Variants in SLC16A2 observed in about 807,000 individuals in gnomAD.
SLC16A2 encodes monocarboxylate transporter 8.
Under a neutral mutation model 27.2 loss-of-function variants are expected in SLC16A2, and 3 were observed. That is an observed-to-expected ratio of 0.11 (90% CI 0.05 to 0.28). SLC16A2 has a LOEUF of 0.28. Among genes scored for constraint, SLC16A2 ranks in the 10% least tolerant of loss-of-function variants. SLC16A2 has a pLI of 1.00. For synonymous variants in SLC16A2, 202 were observed against 187.8 expected (o/e 1.08, Z -0.62); for missense variants, 295 against 458.5 (o/e 0.64, Z 3.26).
At chrX:74,508,597 C>A (rs752777317) in intron 1 of SLC16A2, among the ~76,000 whole-genome samples, 1 of 111,440 alleles carries the variant, frequency 9.0e-6, no homozygotes, top group Admixed American at 9.5e-5. Flanking sequence ...TTTGTAGAGT[C>A]CTTTGATTTT....
chrX:74,526,669 C>G (rs908256920), intron 4 of SLC16A2, among the ~76,000 whole-genome samples: 1 of 112,424 alleles, frequency 8.9e-6, no homozygotes, highest in South Asian at 3.7e-4. Flanking sequence ...AAGGCTCACA[C>G]AGACAGTAGT....
chrX:74,439,220 T>TTCTC lies in SLC16A2; in HGVS notation c.430+17165_430+17168dup, dbSNP rs1281395543. ...TTTCTTTCTTTCTTCCTTCCTTCCT[T>TTCTC]TCTCTCTCTCTCTCTTTCTTTCTTT... is the stretch of plus-strand genomic sequence containing the variant. On this transcript the variant is annotated intron_variant, in intron 1 of 5. Transcript: ENST00000587091. Among the ~76,000 whole-genome samples, 22 of 90,823 alleles carry TTCTC rather than the reference T, an allele frequency of 2.4e-4. No individual in the cohort carries two copies. In the East Asian group the frequency reaches 9.9e-3, roughly 41 times the overall value. 78.9% of individuals were successfully genotyped at this position (90,823 alleles called of 115,157 possible).
At chrX:74,488,095 A>T (rs1235397303) in intron 1 of SLC16A2, among the ~76,000 whole-genome samples, 1 of 111,650 alleles carries the variant, frequency 9.0e-6, no homozygotes, top group East Asian at 2.8e-4. Flanking sequence ...TACCAAAGTC[A>T]TGTGAATTAA....
At chrX:74,494,461 C>T (rs750906532) in intron 1 of SLC16A2, among the ~76,000 whole-genome samples, 7 of 111,588 alleles carry the variant, frequency 6.3e-5, no homozygotes, top group African/African-American at 1.3e-4. Flanking sequence ...GTTATAACAC[C>T]TAAAGTAATT....
chrX:74,510,493 G>T (rs1930209881), intron 1 of SLC16A2, among the ~76,000 whole-genome samples: 1 of 112,446 alleles, frequency 8.9e-6, no homozygotes, highest in Admixed American at 9.4e-5. Context: ...AGGCCATTAA[G>T]TAGAGCCCAG....
At position 74,531,639 on chromosome X, in the gene SLC16A2, C is replaced by A; in HGVS notation, c.*86C>A. 1.4e-6 allele frequency: 1 copy of A among 731,752 alleles called. No individual in the cohort carries two copies. The highest frequency in any genetic ancestry group is 2.2e-6 in the Non-Finnish European group (1 of 462,979). The allele number at this position is 731,752 out of a possible 1,213,427, so 60.3% of individuals were successfully genotyped here. A position where few individuals can be genotyped will look rare whatever the true frequency, so the allele number is the denominator to read the frequency against. On this transcript the variant is annotated 3_prime_UTR_variant, in exon 6 of 6. Coordinates refer to ENST00000587091, the MANE Select transcript of SLC16A2 (RefSeq NM_006517.5). ...CATTTACATTTTTGCCACCAGCACACTTGTTCCCAGACCTGCGCACACAGC... is the reference window on the plus strand; with the variant it reads ...CATTTACATTTTTGCCACCAGCACAATTGTTCCCAGACCTGCGCACACAGC...
intron 1 of SLC16A2, among the ~76,000 whole-genome samples, chrX:74,449,428 T>C (rs1215577991): frequency 8.9e-6 from 1 of 112,321 alleles, no homozygotes; most frequent in Non-Finnish European, 1.9e-5. Context: ...AAAACATATG[T>C]TGTTAGCCCC....
At chrX:74,475,290 G>T (rs762871935) in intron 1 of SLC16A2, among the ~76,000 whole-genome samples, 1,252 of 108,183 alleles carry the variant, frequency 0.012, 60 homozygotes, top group Admixed American at 0.11. Flanking sequence ...TTTGAGAAGT[G>T]TCTGTTCATA....
intron 1 of SLC16A2, among the ~76,000 whole-genome samples, chrX:74,497,935 C>T (rs1385368356): frequency 7.2e-5 from 8 of 110,885 alleles, no homozygotes; most frequent in East Asian, 5.7e-4. Context: ...CATGCAGAGA[C>T]GTTTAAGTGG....
At chrX:74,433,224 T>A (rs773895584) in intron 1 of SLC16A2, among the ~76,000 whole-genome samples, 1 of 110,176 alleles carries the variant, frequency 9.1e-6, no homozygotes, top group Non-Finnish European at 1.9e-5. Flanking sequence ...ATATAAAAAT[T>A]AGCTGGGCGC....
At position 74,433,182 on chromosome X, in the gene SLC16A2, G is replaced by A. The variant is rs6647482; in HGVS notation, c.430+11115G>A. Among the ~76,000 whole-genome samples, 8,673 of 110,383 alleles carry A rather than the reference G, an allele frequency of 0.079. 1,136 individuals are homozygous for A. In the East Asian group the frequency reaches 0.87, roughly 11 times the overall value. On this transcript the variant is annotated intron_variant, in intron 1 of 5. Coordinates refer to ENST00000587091, the MANE Select transcript of SLC16A2 (RefSeq NM_006517.5). The stretch of plus-strand genomic sequence containing the variant: ...AGGTCAGGAGTTCAAGACCAGCCTG[G>A]CCAAAATGGTGAAATCCCGTCTCTA...
chrX:74,437,693 T>C (rs1273626780), intron 1 of SLC16A2, among the ~76,000 whole-genome samples: 1 of 112,198 alleles, frequency 8.9e-6, no homozygotes, highest in Non-Finnish European at 1.9e-5. Flanking sequence ...CCTCACAGAA[T>C]ATCTCAAACA....
chrX:74,527,468 G>C (rs757722357), intron 4 of SLC16A2, among the ~76,000 whole-genome samples: 1 of 112,178 alleles, frequency 8.9e-6, no homozygotes, highest in South Asian at 3.7e-4. Context: ...GAGGAAACGA[G>C]TGTACACACC....
chrX:74,473,256 A>T, intron 1 of SLC16A2: 4 of 697,885 alleles, frequency 5.7e-6, no homozygotes, highest in Non-Finnish European at 9.1e-6. Context: ...CCCCACCGCC[A>T]CCATAACCAC....
At chrX:74,480,055 T>C (rs1396113733) in intron 1 of SLC16A2, among the ~76,000 whole-genome samples, 1 of 112,307 alleles carries the variant, frequency 8.9e-6, no homozygotes, top group Non-Finnish European at 1.9e-5. Flanking sequence ...TGCTGCCTTT[T>C]GTTTGGCTAT....
intron 1 of SLC16A2, among the ~76,000 whole-genome samples, chrX:74,428,616 C>T (rs1486919767): frequency 9.0e-6 from 1 of 111,122 alleles, no homozygotes; most frequent in Non-Finnish European, 1.9e-5. Flanking sequence ...CTACAGAGGC[C>T]TCCCTTCCCC....
chrX:74,478,617 G>A (rs959487513), intron 1 of SLC16A2, among the ~76,000 whole-genome samples: 3 of 111,499 alleles, frequency 2.7e-5, no homozygotes, highest in Non-Finnish European at 5.6e-5. Flanking sequence ...GCAGTGGCTG[G>A]TACCGGTCGT....
At chrX:74,510,087 T>C (rs1930203533) in intron 1 of SLC16A2, among the ~76,000 whole-genome samples, 1 of 112,102 alleles carries the variant, frequency 8.9e-6, no homozygotes, top group Non-Finnish European at 1.9e-5. Context: ...CTTAAATGTT[T>C]GGAATTCACA....
rs779801992 is a variant in SLC16A2, at chrX:74,422,337, C to CT, written c.430+278dup. On this transcript the variant is annotated intron_variant, in intron 1 of 5. Transcript: ENST00000587091. ...TCATTGATCCTTGGCAAGCAATGGA[C>CT]TTTTTTTTGCCCTGGGACAAATCTA... Among the ~76,000 whole-genome samples the CT allele has an allele frequency of 1.9e-4, 21 of 111,256 alleles. No homozygotes were observed. The East Asian group carries it at 3.4e-3, about 18-fold the overall frequency.
Sources: allele counts gnomAD v4.1 joint callset (sites outside exome capture counted in the v4.1 genomes callset), GRCh38; gene constraint gnomAD v4.1.1; transcripts MANE v1.5; gene names NCBI Gene and HGNC (gene_info 2026-07-23, HGNC 2026-07-21).